The following COL5A1 variants were observed in gnomAD, a reference collection of about 807,000 sequenced individuals.
COL5A1 encodes collagen type V alpha 1 chain.
Under a neutral mutation model 263.7 loss-of-function variants are expected in COL5A1, and 16 were observed. The ratio of observed to expected loss-of-function variants is 0.06; its 90% CI spans 0.04 to 0.09. The LOEUF is 0.09. COL5A1 is among the 10% of genes least tolerant of loss of function. The probability of loss-of-function intolerance (pLI) is 1.00; values close to 1 mark genes in which losing one functional copy is unlikely to be tolerated. For synonymous variants in COL5A1, 1,012 were observed against 1,004.5 expected (o/e 1.01, Z -0.14); for missense variants, 2,036 against 2,540.5 (o/e 0.80, Z 4.27).
intron 14 of COL5A1, 145 bp downstream of exon 14, chr9:134,752,790 CA>C (rs1467734434): frequency 1.3e-5 from 8 of 637,364 alleles, no homozygotes; most frequent in Admixed American, 4.7e-5. Context: ...GGAGGGTGGC[CA>C]GGGGGACCAG....
chr9:134,760,623 C>A lies in COL5A1; in HGVS notation c.1936-1302C>A, dbSNP rs200270926. ...ACACCACACATGCACACACACACAC[C>A]CACACACCCCCACACTCATACACTC... is the stretch of plus-strand genomic sequence containing the variant. On this transcript the variant is annotated intron_variant, in intron 18 of 65. Coordinates refer to ENST00000371817, the MANE Select transcript of COL5A1 (RefSeq NM_000093.5). Among the ~76,000 whole-genome samples the A allele has an allele frequency of 3.5e-3, 402 of 115,352 alleles. 9 individuals carry two copies. The highest frequency in any genetic ancestry group is 0.014 in the African/African-American group (336 of 24,886). 75.7% of individuals were successfully genotyped at this position (115,352 alleles called of 152,430 possible). A position where few individuals can be genotyped will look rare whatever the true frequency, so the allele number is the denominator to read the frequency against.
At chr9:134,804,105 TAATA>T (rs1218916359) in intron 39 of COL5A1, among the ~76,000 whole-genome samples, 1 of 151,436 alleles carries the variant, frequency 6.6e-6, no homozygotes, top group Non-Finnish European at 1.5e-5. Context: ...ACCTGAAAAA[TAATA>T]AAGTGAAGCA....
chr9:134,767,021 C>T lies in COL5A1; in HGVS notation c.2155C>T (p.Pro719Ser), dbSNP rs1564446104. 6.2e-7 allele frequency: 1 copy of T among 1,613,686 alleles called. No individual in the cohort carries two copies. The highest frequency in any genetic ancestry group is 8.5e-7 in the Non-Finnish European group (1 of 1,179,948). Reference sequence around the variant, plus strand: ...GTAGGGTCCCCAGGGAGAGCCTGGCCCCCCAGGACAGCAGGGTAATCCAGG... The same window carrying T: ...GTAGGGTCCCCAGGGAGAGCCTGGCTCCCCAGGACAGCAGGGTAATCCAGG... ...GNVGPQGEPG[P>S]PGQQGNPGAQ... Residue 719 changes from proline (P) to serine (S), a missense_variant, in exon 23 of 66, where the codon CCC becomes TCC. Physicochemically the swap from Pro to Ser is moderately conservative, Grantham distance 74. Around this residue, in one of 3 missense-constraint regions of COL5A1, gnomAD observed 1,078 missense variants for 1,521.4 expected, o/e 0.71. Transcript: ENST00000371817.
In COL5A1 at chr9:134,741,946, C is replaced by T. The variant is rs1835319106; in HGVS notation, c.1494+3138C>T. Among the ~76,000 whole-genome samples the T allele has an allele frequency of 6.6e-6, 1 of 152,060 alleles. No individual in the cohort carries two copies. The highest frequency in any genetic ancestry group is 1.5e-5 in the Non-Finnish European group (1 of 68,010). On this transcript the variant is annotated intron_variant, in intron 11 of 65. Coordinates refer to ENST00000371817, the MANE Select transcript of COL5A1 (RefSeq NM_000093.5). The surrounding 1 kb of genome is among the most constrained non-coding windows in gnomAD (Gnocchi z 4.5). ...TGGATGGTGAGTTCCTCAAGACAGG[C>T]CTCACTTCTGTGCCCTTCCTCACAC...
intron 11 of COL5A1, 128 bp downstream of exon 11, chr9:134,738,936 C>T (rs968278435): frequency 2.6e-6 from 2 of 773,962 alleles, no homozygotes; most frequent in East Asian, 2.5e-5. Context: ...TCAAATCCCC[C>T]CTCACCCAGG....
In COL5A1 at chr9:134,681,071, T is replaced by C. The variant is rs1214973400; in HGVS notation, c.110-9841T>C. Among the ~76,000 whole-genome samples, 2 of 152,044 alleles carry C rather than the reference T, an allele frequency of 1.3e-5. No homozygotes were observed. Among genetic ancestry groups the C allele is most frequent in the Non-Finnish European group, 2.9e-5 (2 of 67,988 alleles). ...TTTGCTTTGCTCCCTGGTTTAGTCATTGAGGAAGAATTTCAGTCGCAGCCT... is the reference window on the plus strand; with the variant it reads ...TTTGCTTTGCTCCCTGGTTTAGTCACTGAGGAAGAATTTCAGTCGCAGCCT... On this transcript the variant is annotated intron_variant, in intron 1 of 65. Transcript: ENST00000371817. The surrounding 1 kb of genome is among the most constrained non-coding windows in gnomAD (Gnocchi z 4.3).
At chr9:134,748,763 C>T (rs148983502) in intron 11 of COL5A1, among the ~76,000 whole-genome samples, 2 of 152,282 alleles carry the variant, frequency 1.3e-5, no homozygotes, top group African/African-American at 4.8e-5. Flanking sequence ...GTTAGCACGT[C>T]TGTCGGGCAG....
intron 4 of COL5A1, among the ~76,000 whole-genome samples, chr9:134,722,988 C>T (rs1834518091): frequency 6.6e-6 from 1 of 152,220 alleles, no homozygotes; most frequent in Non-Finnish European, 1.5e-5. Flanking sequence ...AAAATGCCCC[C>T]AGTTTACTGT....
Position 134,696,679 on chromosome 9 carries a change from C to T in COL5A1, c.278-3230C>T, listed in dbSNP as rs191275277. Among the ~76,000 whole-genome samples the T allele has an allele frequency of 2.8e-4, 42 of 152,278 alleles. No individual in the cohort carries two copies. Among genetic ancestry groups the T allele is most frequent in the Non-Finnish European group, 4.9e-4 (33 of 68,028 alleles). Reference sequence around the variant, plus strand: ...AGCAATCGGTATGCTTAGTAACTGTCGGCTCAGTATGATTTAGTTTCAACA... The same window carrying T: ...AGCAATCGGTATGCTTAGTAACTGTTGGCTCAGTATGATTTAGTTTCAACA... On this transcript the variant is annotated intron_variant, in intron 2 of 65. Coordinates refer to ENST00000371817, the MANE Select transcript of COL5A1 (RefSeq NM_000093.5). This position sits in a 1 kb window ranked among gnomAD's most constrained non-coding sequence, Gnocchi z 4.3.
intron 1 of COL5A1, among the ~76,000 whole-genome samples, chr9:134,675,627 C>T (rs148115886): frequency 1.1e-4 from 17 of 152,280 alleles, no homozygotes; most frequent in African/African-American, 3.1e-4. Flanking sequence ...GTTTTGAGCA[C>T]GGTTTGTTGG....
chr9:134,833,201 G>A (rs1434862763), intron 64 of COL5A1, among the ~76,000 whole-genome samples: 3 of 152,198 alleles, frequency 2.0e-5, no homozygotes, highest in Non-Finnish European at 4.4e-5. Context: ...GCTTCATTTC[G>A]GGGAGCTAAG....
At chr9:134,726,858 T>G (rs1439542177) in intron 4 of COL5A1, among the ~76,000 whole-genome samples, 1 of 133,636 alleles carries the variant, frequency 7.5e-6, no homozygotes, top group Non-Finnish European at 1.6e-5. Flanking sequence ...ATAGATGGTT[T>G]ATGGATGGAT....
At chr9:134,710,515 G>A (rs1378118363) in intron 4 of COL5A1, among the ~76,000 whole-genome samples, 1 of 147,230 alleles carries the variant, frequency 6.8e-6, no homozygotes, top group Non-Finnish European at 1.5e-5. Flanking sequence ...CATTTGTTGG[G>A]TGCAGTGGTG....
At chr9:134,768,538 C>A in intron 25 of COL5A1, 75 bp downstream of exon 25, 1 of 1,455,634 alleles carries the variant, frequency 6.9e-7, no homozygotes, top group Non-Finnish European at 9.6e-7. Flanking sequence ...CAGGCCCAGG[C>A]TCTTTGGGGT....
rs1837438930 is a variant in COL5A1 at position 134,785,861 on chromosome 9, G to T, written c.2593-134G>T. 6.3e-6 allele frequency: 5 copies of T among 789,310 alleles called. No individual in the cohort carries two copies. In the Admixed American group the frequency reaches 1.0e-4, roughly 16 times the overall value. The allele number at this position is 789,310 out of a possible 1,614,324, so 48.9% of individuals were successfully genotyped here. On this transcript the variant is annotated intron_variant, in intron 30 of 65. Transcript: ENST00000371817. The stretch of plus-strand genomic sequence containing the variant: ...AGGGCAGGCAGGGCTTCTGCATAAT[G>T]ACGTGTGCCCCCGCCTCTGGAAACC...
At chr9:134,772,755 G>A in intron 25 of COL5A1, 35 bp from the exon 26 acceptor site, 1 of 1,612,486 alleles carries the variant, frequency 6.2e-7, no homozygotes, top group Non-Finnish European at 8.5e-7. Context: ...TTCTGGAGTG[G>A]CACTGACTAA....
At chr9:134,766,905 A>T in intron 22 of COL5A1, 95 bp from the exon 23 acceptor site, 1 of 1,220,318 alleles carries the variant, frequency 8.2e-7, no homozygotes, top group Non-Finnish European at 1.2e-6. Context: ...GAGCAGTTTG[A>T]AAGGATGGGA....
At chr9:134,763,879 T>G in intron 20 of COL5A1, 142 bp downstream of exon 20, 1 of 820,438 alleles carries the variant, frequency 1.2e-6, no homozygotes, top group Non-Finnish European at 1.9e-6. Context: ...GACCTGGGCA[T>G]CTCCCAGGGA....
Position 134,727,357 on chromosome 9 carries a change from C to A in COL5A1, c.746C>A (p.Pro249His). 2 of 1,614,136 alleles carry A rather than the reference C, an allele frequency of 1.2e-6. No homozygotes were observed. Among genetic ancestry groups the A allele is most frequent in the South Asian group, 2.2e-5 (2 of 91,080 alleles). Residue 249 changes from proline (P) to histidine (H), a missense_variant, in exon 5 of 66, where the codon CCT becomes CAT. This residue lies in a region of COL5A1 where 600 missense variants were observed against 634.5 expected (regional missense o/e 0.95). Transcript: ENST00000371817. ...HYSPDCDTAV[P>H]DTPQSQDPNP... ...AGCCCTGACTGTGACACCGCAGTAC[C>A]TGACACCCCACAGTCGCAGGACCCC...
Sources: gnomAD v4.1 joint callset for allele counts (sites outside exome capture counted in the v4.1 genomes callset) on GRCh38, gnomAD v4.1.1 for gene constraint, gnomAD v4.1.1 regional missense constraint, Gnocchi (gnomAD v3.1) non-coding constraint, MANE v1.5 for transcripts, NCBI Gene and HGNC (gene_info 2026-07-23, HGNC 2026-07-21) for gene names.